SCD5: variants seen among roughly 807,000 people sequenced by gnomAD.
SCD5 encodes the protein stearoyl-CoA desaturase 5.
A neutral mutation model predicts 30.4 loss-of-function variants in SCD5; 20 were observed. The ratio of observed to expected loss-of-function variants is 0.66; its 90% CI spans 0.46 to 0.96. The LOEUF (loss-of-function observed/expected upper bound fraction) is 0.96. Ranked by LOEUF, SCD5 falls within the 40% of genes least tolerant of loss-of-function variation. The probability of loss-of-function intolerance (pLI) is 0.00; values close to 1 mark genes in which losing one functional copy is unlikely to be tolerated. For missense variants in SCD5, 381 were observed against 443.3 expected, an observed-to-expected ratio of 0.86 and a Z score of 1.26; for synonymous variants, 173 against 176.4, an observed-to-expected ratio of 0.98 and a Z score of 0.16.
At chr4:82,750,261 T>C (rs1721074114) in intron 1 of SCD5, among the ~76,000 whole-genome samples, 1 of 152,302 alleles carries the variant, frequency 6.6e-6, no homozygotes, top group East Asian at 1.9e-4. Context: ...GTCTTCCACA[T>C]TGATAACTTT....
At chr4:82,704,019 C>CCTG (rs1236198860) in intron 2 of SCD5, among the ~76,000 whole-genome samples, 1 of 152,200 alleles carries the variant, frequency 6.6e-6, no homozygotes, top group African/African-American at 2.4e-5. Flanking sequence ...TTCCTAGGAC[C>CCTG]TCAGTACTAA....
chr4:82,679,272 G>GA (rs1728513534), intron 3 of SCD5, among the ~76,000 whole-genome samples: 1 of 115,262 alleles, frequency 8.7e-6, no homozygotes, highest in Non-Finnish European at 1.8e-5. Context: ...AGGAAGGAAA[G>GA]AAAGAAAGAA....
At chr4:82,707,693 A>T (rs890146557) in intron 1 of SCD5, among the ~76,000 whole-genome samples, 4 of 152,258 alleles carry the variant, frequency 2.6e-5, no homozygotes, top group Admixed American at 6.5e-5. Context: ...ACAGCCAGTA[A>T]GGAAATGAGG....
intron 2 of SCD5, among the ~76,000 whole-genome samples, chr4:82,694,125 G>C (rs1447298739): frequency 6.6e-6 from 1 of 152,206 alleles, no homozygotes; most frequent in Admixed American, 6.5e-5. Context: ...TCTGTACACT[G>C]TCCACCCAGG....
intron 3 of SCD5, among the ~76,000 whole-genome samples, chr4:82,662,195 T>C (rs897033065): frequency 1.3e-5 from 2 of 152,126 alleles, no homozygotes; most frequent in African/African-American, 4.8e-5. Context: ...TAGCTGGAAC[T>C]ATAAGCACAT....
At chr4:82,733,672 C>T (rs893552661) in intron 1 of SCD5, among the ~76,000 whole-genome samples, 22 of 152,220 alleles carry the variant, frequency 1.4e-4, no homozygotes, top group Non-Finnish European at 2.5e-4. Flanking sequence ...AACAATTTCT[C>T]CAGTAAAAAT....
chr4:82,747,079 A>C (rs1241334428), intron 1 of SCD5, among the ~76,000 whole-genome samples: 1 of 99,222 alleles, frequency 1.0e-5, no homozygotes, highest in African/African-American at 2.7e-5. Context: ...GCCCCCCAAG[A>C]AAGACGACCT....
intron 2 of SCD5, among the ~76,000 whole-genome samples, chr4:82,681,648 G>A (rs1728574952): frequency 6.6e-6 from 1 of 152,064 alleles, no homozygotes. Flanking sequence ...GTGGGAGGAG[G>A]GAGAAGATCA....
At chr4:82,730,327 T>C (rs955739154) in intron 1 of SCD5, among the ~76,000 whole-genome samples, 7 of 149,440 alleles carry the variant, frequency 4.7e-5, no homozygotes, top group Non-Finnish European at 1.0e-4. Context: ...AGGCAGAGTC[T>C]CGCTCTGTCA....
chr4:82,667,054 C>G (rs1728204996), intron 3 of SCD5, among the ~76,000 whole-genome samples: 1 of 152,096 alleles, frequency 6.6e-6, no homozygotes, highest in Admixed American at 6.5e-5. Flanking sequence ...CCTTTATTGC[C>G]ATCAACAATT....
chr4:82,798,634 G>A lies in SCD5; in HGVS notation c.-97C>T, dbSNP rs973049251. ...GGGGCGGGGGCTTCTGCCTTTTAGG[G>A]GGGAATTCTCCGCACGTCCAGTCCC... On this transcript the variant is annotated 5_prime_UTR_variant, in exon 1 of 5. Coordinates refer to ENST00000319540, the MANE Select transcript of SCD5 (RefSeq NM_001037582.3). 1.9e-6 allele frequency: 2 copies of A among 1,077,896 alleles called. No individual in the cohort carries two copies. Among genetic ancestry groups the A allele is most frequent in the Non-Finnish European group, 2.6e-6 (2 of 770,574 alleles). 66.8% of individuals were successfully genotyped at this position (1,077,896 alleles called of 1,614,324 possible).
In SCD5 at chr4:82,674,009, T is replaced by TG. The variant is rs1244607875; in HGVS notation, c.569+6697dup. Among the ~76,000 whole-genome samples the TG allele has an allele frequency of 5.9e-5, 9 of 152,120 alleles. 1 individual carries two copies. The highest frequency in any genetic ancestry group is 1.7e-4 in the African/African-American group (7 of 41,430). The stretch of plus-strand genomic sequence containing the variant: ...ACACCTCACAAAAAGTGACTCAAAA[T>TG]GGATCACAATTCTAAATGTAAAACA... On this transcript the variant is annotated intron_variant, in intron 3 of 4. Transcript: ENST00000319540.
intron 1 of SCD5, among the ~76,000 whole-genome samples, chr4:82,719,332 A>G (rs1398312622): frequency 6.6e-6 from 1 of 151,446 alleles, no homozygotes; most frequent in Non-Finnish European, 1.5e-5. Context: ...CCTGGCCTCA[A>G]TCTAGGACAT....
chr4:82,660,855 T>C (rs1333434002), intron 3 of SCD5: 4 of 1,613,862 alleles, frequency 2.5e-6, no homozygotes, highest in Non-Finnish European at 3.4e-6. Flanking sequence ...GCCTCGCTGT[T>C]GTATATCTCT....
At chr4:82,738,462 T>A (rs114650276) in intron 1 of SCD5, among the ~76,000 whole-genome samples, 1,607 of 152,310 alleles carry the variant, frequency 0.011, 23 homozygotes, top group African/African-American at 0.037. Flanking sequence ...TTTTGATTAT[T>A]TATTTTTTTG....
intron 1 of SCD5, among the ~76,000 whole-genome samples, chr4:82,790,240 C>T (rs138535503): frequency 1.7e-3 from 263 of 152,208 alleles, no homozygotes; most frequent in African/African-American, 5.9e-3. Flanking sequence ...TTGTTATGTG[C>T]GACGGGCTGA....
At chr4:82,771,627 G>A (rs1372980543) in intron 1 of SCD5, among the ~76,000 whole-genome samples, 1 of 149,788 alleles carries the variant, frequency 6.7e-6, no homozygotes, top group Non-Finnish European at 1.5e-5. Context: ...AGGTTGTAGT[G>A]TTCAAATCTA....
chr4:82,651,930 A>G (rs1317156036), intron 3 of SCD5, among the ~76,000 whole-genome samples: 1 of 152,224 alleles, frequency 6.6e-6, no homozygotes, highest in Non-Finnish European at 1.5e-5. Context: ...ATTAAAATGT[A>G]AGAAAAAATT....
At chr4:82,705,184 C>A (rs1719941946) in intron 2 of SCD5, 99 bp downstream of exon 2, 1 of 1,471,040 alleles carries the variant, frequency 6.8e-7, no homozygotes, top group South Asian at 1.3e-5. Context: ...AACACTGAGT[C>A]TAGGACAGGG....
Sources: allele counts gnomAD v4.1 joint callset (sites outside exome capture counted in the v4.1 genomes callset), GRCh38; gene constraint gnomAD v4.1.1; transcripts MANE v1.5; gene names NCBI Gene and HGNC (gene_info 2026-07-23, HGNC 2026-07-21).